Variants in LTA observed in about 807,000 individuals in gnomAD.
The protein encoded by LTA is lymphotoxin alpha, also known as lymphotoxin-alpha.
Under a neutral mutation model 15.1 loss-of-function variants are expected in LTA, and 6 were observed. The ratio of observed to expected loss-of-function variants is 0.40; its 90% CI spans 0.22 to 0.78. LTA has a LOEUF of 0.78. Ranked by LOEUF, LTA falls within the 30% of genes least tolerant of loss-of-function variation. LTA has a pLI of 0.38. For synonymous variants in LTA, 87 were observed against 107.3 expected (o/e 0.81, Z 1.17); for missense variants, 173 against 249.5 (o/e 0.69, Z 2.06).
the LTA span, among the ~76,000 whole-genome samples, chr6:31,563,653 G>A: frequency 2.6e-5 from 4 of 152,186 alleles, no homozygotes; most frequent in African/African-American, 9.7e-5. Context: ...TGTTGCCCAG[G>A]CTGGAGTGCA....
the LTA span, among the ~76,000 whole-genome samples, chr6:31,562,493 A>C: frequency 5.3e-5 from 8 of 152,218 alleles, no homozygotes; most frequent in Non-Finnish European, 1.2e-4. Flanking sequence ...CATTTGAGGG[A>C]GAAATATTCC....
chr6:31,568,424 T>C (rs1350007674), upstream of LTA, among the ~76,000 whole-genome samples: 1 of 152,180 alleles, frequency 6.6e-6, no homozygotes, highest in Non-Finnish European at 1.5e-5. This position sits in a 1 kb window ranked among gnomAD's most constrained non-coding sequence, Gnocchi z 4.1. Flanking sequence ...TAGGGGGTTA[T>C]TAATTGGGAT....
the LTA span, among the ~76,000 whole-genome samples, chr6:31,566,771 C>A: frequency 6.6e-6 from 1 of 151,016 alleles, no homozygotes; most frequent in African/African-American, 2.4e-5. Flanking sequence ...GGTGTACTTT[C>A]TCTACTAAAA....
upstream of LTA, among the ~76,000 whole-genome samples, chr6:31,569,715 T>A (rs757802248): frequency 6.6e-6 from 1 of 151,304 alleles, no homozygotes; most frequent in Non-Finnish European, 1.5e-5. Context: ...GAGAATAGCT[T>A]GAACCTGGGA....
the LTA span, among the ~76,000 whole-genome samples, chr6:31,563,019 G>C: frequency 3.9e-5 from 6 of 151,968 alleles, no homozygotes; most frequent in Non-Finnish European, 8.8e-5. Context: ...AATTAGCTGG[G>C]CGTGGTGGCA....
the LTA span, among the ~76,000 whole-genome samples, chr6:31,561,006 G>A: frequency 6.6e-6 from 1 of 152,182 alleles, no homozygotes; most frequent in African/African-American, 2.4e-5. Flanking sequence ...GAGCCTCTGA[G>A]GAGACAGCAT....
Position 31,572,356 on chromosome 6 carries a change from T to G in LTA, c.-100T>G, listed in dbSNP as rs1430331156. On this transcript the variant is annotated 5_prime_UTR_variant, in exon 1 of 4. Transcript: ENST00000418386. The stretch of plus-strand genomic sequence containing the variant: ...GCTGCCCGTGCTTCGTGCTTTGGAC[T>G]ACCGCCCAGCAGTGTCCTGCCCTCT... 3.1e-6 allele frequency: 1 copy of G among 325,442 alleles called. No homozygotes were observed. The highest frequency in any genetic ancestry group is 5.7e-6 in the Non-Finnish European group (1 of 175,764). The allele number at this position is 325,442 out of a possible 1,614,324, so 20.2% of individuals were successfully genotyped here.
the LTA span, among the ~76,000 whole-genome samples, chr6:31,564,872 C>T: frequency 1.3e-5 from 2 of 152,128 alleles, no homozygotes; most frequent in African/African-American, 4.8e-5. Context: ...CAAGATCACG[C>T]CACTGCACTC....
chr6:31,563,850 C>T, the LTA span, among the ~76,000 whole-genome samples: 4 of 152,108 alleles, frequency 2.6e-5, no homozygotes, highest in Non-Finnish European at 4.4e-5. Context: ...TCAGGTGATC[C>T]GCCCACCTTG....
chr6:31,573,319 A>T lies in LTA; in HGVS notation c.244A>T (p.Asn82Tyr), dbSNP rs957038846. 2.5e-6 allele frequency: 4 copies of T among 1,613,768 alleles called. No individual in the cohort carries two copies. The highest frequency in any genetic ancestry group is 2.5e-6 in the Non-Finnish European group (3 of 1,179,890). The change falls in exon 4 of 4, where the codon AAC (asparagine) becomes TAC (tyrosine). Residue 82 changes from asparagine to tyrosine, a missense_variant. Transcript: ENST00000418386. ...GCAGAACTCACTGCTCTGGAGAGCA[A>T]ACACGGACCGTGCCTTCCTCCAGGA... ...SKQNSLLWRA[N>Y]TDRAFLQDGF... is the part of the protein sequence containing the mutation.
chr6:31,571,047 A>G (rs1770804349), upstream of LTA, among the ~76,000 whole-genome samples: 1 of 141,508 alleles, frequency 7.1e-6, no homozygotes. Context: ...TAAAAAGGAA[A>G]AAAATTTTGG....
At chr6:31,571,061 CTTT>C (rs9279358), upstream of LTA, among the ~76,000 whole-genome samples, 125 of 134,240 alleles carry the variant, frequency 9.3e-4, no homozygotes, top group Middle Eastern at 3.6e-3. Flanking sequence ...ATTTTGGAAA[CTTT>C]TTTTTTTTTT....
chr6:31,566,580 C>T, the LTA span, among the ~76,000 whole-genome samples: 1 of 147,292 alleles, frequency 6.8e-6, no homozygotes, highest in Non-Finnish European at 1.5e-5. Context: ...GCAGAGGTTG[C>T]AGTGAGCCGA....
the LTA span, among the ~76,000 whole-genome samples, chr6:31,562,930 G>T: frequency 6.6e-6 from 1 of 151,630 alleles, no homozygotes; most frequent in Non-Finnish European, 1.5e-5. Context: ...GGAGGCTGAG[G>T]TGGGCAGACT....
chr6:31,564,875 C>T, the LTA span, among the ~76,000 whole-genome samples: 1 of 152,124 alleles, frequency 6.6e-6, no homozygotes, highest in Non-Finnish European at 1.5e-5. Context: ...GATCACGCCA[C>T]TGCACTCCAG....
chr6:31,563,004 A>G, the LTA span, among the ~76,000 whole-genome samples: 1 of 152,038 alleles, frequency 6.6e-6, no homozygotes, highest in African/African-American at 2.4e-5. Flanking sequence ...TACTAAAAAT[A>G]CAAAAATTAG....
intron 1 of LTA, 66 bp from the exon 2 acceptor site, chr6:31,572,651 TCTCTCCCAGGGCGGGAG>T: frequency 1.1e-6 from 1 of 929,762 alleles, no homozygotes; most frequent in South Asian, 1.5e-5. Context: ...CGGGGGGTGC[TCTCTCCCAGGGCGGGAG>T]GTCTGTCTTC....
At position 31,573,685 on chromosome 6, in the gene LTA, G is replaced by A. The variant is rs1169549387; in HGVS notation, c.610G>A (p.Ala204Thr). ...TAGTACTGTCTTCTTTGGAGCCTTC[G>A]CTCTGTAGAACTTGGAAAAATCCAG... is the stretch of plus-strand genomic sequence containing the variant. Reference protein sequence around the residue: ...SPSTVFFGAFAL With the variant: ...SPSTVFFGAFTL Residue 204 changes from alanine to threonine, a missense_variant, in exon 4 of 4, where the codon GCT becomes ACT. Transcript: ENST00000418386. 6 of 1,613,558 alleles carry A rather than the reference G, an allele frequency of 3.7e-6. No homozygotes were observed. The highest frequency in any genetic ancestry group is 1.3e-5 in the African/African-American group (1 of 74,836).
At position 31,573,373 on chromosome 6, in the gene LTA, C is replaced by T; in HGVS notation, c.298C>T (p.Leu100=). 2 of 1,614,142 alleles carry T rather than the reference C, an allele frequency of 1.2e-6. No individual in the cohort carries two copies. The highest frequency in any genetic ancestry group is 1.7e-6 in the Non-Finnish European group (2 of 1,180,016). The change falls in exon 4 of 4, where the codon CTG becomes TTG. Residue 100 remains leucine, a synonymous_variant. Transcript: ENST00000418386. ...DGFSLSNNSL[L]VPTSGIYFVY... ...TTTCTCCTTGAGCAACAATTCTCTCCTGGTCCCCACCAGTGGCATCTACTT... is the reference window on the plus strand; with the variant it reads ...TTTCTCCTTGAGCAACAATTCTCTCTTGGTCCCCACCAGTGGCATCTACTT...
Sources: allele counts gnomAD v4.1 joint callset (sites outside exome capture counted in the v4.1 genomes callset), GRCh38; gene constraint gnomAD v4.1.1; non-coding constraint Gnocchi (gnomAD v3.1); transcripts MANE v1.5; gene names NCBI Gene and HGNC (gene_info 2026-07-23, HGNC 2026-07-21).